Variants in ZEB1 observed in about 807,000 individuals in gnomAD.
ZEB1 encodes zinc finger E-box-binding homeobox 1.
ZEB1 carries 21 observed loss-of-function variants against 84.9 expected under a neutral mutation model. That is an observed-to-expected ratio of 0.25 (90% CI 0.18 to 0.36). The LOEUF (loss-of-function observed/expected upper bound fraction) is 0.36, where lower values mean the gene tolerates loss of function less well. ZEB1 is among the 10% of genes least tolerant of loss of function. The probability of loss-of-function intolerance (pLI) is 1.00; values close to 1 mark genes in which losing one functional copy is unlikely to be tolerated. For synonymous variants in ZEB1, 420 were observed against 471.1 expected (o/e 0.89, Z 1.41); for missense variants, 1,104 against 1,330.2 (o/e 0.83, Z 2.65).
chr10:31,360,037 G>A (rs2042748617), intron 1 of ZEB1, among the ~76,000 whole-genome samples: 1 of 152,166 alleles, frequency 6.6e-6, no homozygotes, highest in Admixed American at 6.5e-5. Flanking sequence ...AGCTACTAGT[G>A]TACAGAGAAG....
At chr10:31,412,942 G>A (rs998204290) in intron 1 of ZEB1, among the ~76,000 whole-genome samples, 2 of 152,082 alleles carry the variant, frequency 1.3e-5, no homozygotes, top group African/African-American at 2.4e-5. Flanking sequence ...GACTTACCCT[G>A]CAATTGCTTG....
At chr10:31,475,307 A>G (rs1166698477) in intron 2 of ZEB1, among the ~76,000 whole-genome samples, 2 of 152,186 alleles carry the variant, frequency 1.3e-5, no homozygotes, top group Admixed American at 6.5e-5. Context: ...ATGTAAAGCT[A>G]CCAAAACTGT....
rs979162234 is a variant in ZEB1 at position 31,503,710 on chromosome 10, T to C, written c.484+1201T>C. 6.6e-5 allele frequency among the ~76,000 whole-genome samples: 10 copies of C among 152,102 alleles called. 1 individual carries two copies. The highest frequency in any genetic ancestry group is 2.4e-4 in the African/African-American group (10 of 41,440). On this transcript the variant is annotated intron_variant, in intron 4 of 8. Transcript: ENST00000424869. ...AAGAATGTATGAGAGTTCCCTTTTC[T>C]CCACATCTTCACCAGCATTCATTAG...
At chr10:31,496,692 T>C (rs1260690857) in intron 3 of ZEB1, among the ~76,000 whole-genome samples, 2 of 152,132 alleles carry the variant, frequency 1.3e-5, no homozygotes, top group East Asian at 1.9e-4. Flanking sequence ...TTCTGTCATA[T>C]AGTTTTAATT....
At chr10:31,519,255 T>C (rs937334100) in intron 6 of ZEB1, among the ~76,000 whole-genome samples, 6 of 152,168 alleles carry the variant, frequency 3.9e-5, no homozygotes, top group Non-Finnish European at 5.9e-5. Context: ...AAGGAAACAT[T>C]AGGTTTGTAG....
chr10:31,468,708 T>C (rs1467326788), intron 2 of ZEB1, among the ~76,000 whole-genome samples: 4 of 152,084 alleles, frequency 2.6e-5, no homozygotes, highest in Non-Finnish European at 4.4e-5. Context: ...TAAAAGCACG[T>C]AGAAGCAAAG....
At chr10:31,367,253 A>G (rs1409763186) in intron 1 of ZEB1, among the ~76,000 whole-genome samples, 1 of 152,236 alleles carries the variant, frequency 6.6e-6, no homozygotes, top group Non-Finnish European at 1.5e-5. Context: ...TGATACTGGT[A>G]TACGTAGTGT....
intron 1 of ZEB1, among the ~76,000 whole-genome samples, chr10:31,357,847 A>G (rs1208444375): frequency 2.6e-5 from 4 of 152,052 alleles, no homozygotes; most frequent in African/African-American, 4.8e-5. Flanking sequence ...TTTGTCGTCT[A>G]CTCTACTCTT....
At chr10:31,472,180 A>G (rs2063358815) in intron 2 of ZEB1, among the ~76,000 whole-genome samples, 1 of 151,594 alleles carries the variant, frequency 6.6e-6, no homozygotes, top group African/African-American at 2.4e-5. Flanking sequence ...ACACATTCAA[A>G]AGCTAGCAGA....
chr10:31,358,693 T>C (rs992115382), intron 1 of ZEB1: 4 of 152,202 alleles, frequency 2.6e-5, no homozygotes, highest in Non-Finnish European at 4.4e-5. Flanking sequence ...AAAGAAATAC[T>C]TATTTTTAAA....
chr10:31,329,831 C>A (rs1286960001), intron 1 of ZEB1, among the ~76,000 whole-genome samples: 1 of 152,020 alleles, frequency 6.6e-6, no homozygotes, highest in Non-Finnish European at 1.5e-5. Context: ...TATGTATTGG[C>A]CACTTGTATA....
At chr10:31,375,003 T>C (rs914032371) in intron 1 of ZEB1, 2 of 149,400 alleles carry the variant, frequency 1.3e-5, no homozygotes, top group African/African-American at 4.9e-5. Context: ...CTTTATATCT[T>C]TTTATCTTTT....
chr10:31,474,446 A>C (rs1226845438), intron 2 of ZEB1, among the ~76,000 whole-genome samples: 2 of 152,210 alleles, frequency 1.3e-5, no homozygotes, highest in African/African-American at 4.8e-5. Context: ...TGCAGCCAAA[A>C]AACACATGAA....
chr10:31,338,551 G>C (rs2038697885), intron 1 of ZEB1, among the ~76,000 whole-genome samples: 1 of 152,032 alleles, frequency 6.6e-6, no homozygotes, highest in Non-Finnish European at 1.5e-5. Flanking sequence ...TAATAAACAG[G>C]GTACTATTTT....
intron 1 of ZEB1, among the ~76,000 whole-genome samples, chr10:31,404,962 T>G (rs1446244924): frequency 6.6e-6 from 1 of 152,160 alleles, no homozygotes; most frequent in African/African-American, 2.4e-5. Context: ...GCTCAGCTTT[T>G]TTAATGTTCT....
chr10:31,416,641 A>C (rs1479590160), intron 1 of ZEB1, among the ~76,000 whole-genome samples: 1 of 152,130 alleles, frequency 6.6e-6, no homozygotes, highest in Non-Finnish European at 1.5e-5. Flanking sequence ...AAAGATATCA[A>C]AGTGCTTTAT....
intron 1 of ZEB1, among the ~76,000 whole-genome samples, chr10:31,422,999 T>C (rs940940636): frequency 6.6e-6 from 1 of 152,062 alleles, no homozygotes; most frequent in African/African-American, 2.4e-5. Context: ...AAGGACATGA[T>C]TTCATTCTTT....
intron 1 of ZEB1, chr10:31,361,219 A>G: frequency 1.9e-6 from 3 of 1,610,960 alleles, no homozygotes; most frequent in Non-Finnish European, 2.5e-6. Context: ...TTCAGGACGC[A>G]GTCTTGCTCT....
At chr10:31,474,774 A>T (rs1302031846) in intron 2 of ZEB1, among the ~76,000 whole-genome samples, 5 of 150,992 alleles carry the variant, frequency 3.3e-5, no homozygotes, top group Admixed American at 2.0e-4. Flanking sequence ...ATGTTTATTG[A>T]GGCACTATTC....
Sources: allele counts gnomAD v4.1 joint callset (sites outside exome capture counted in the v4.1 genomes callset), GRCh38; gene constraint gnomAD v4.1.1; transcripts MANE v1.5; gene names NCBI Gene and HGNC (gene_info 2026-07-23, HGNC 2026-07-21).